Variants in TTC23L observed in about 807,000 individuals in gnomAD.
TTC23L encodes the protein tetratricopeptide repeat protein 23-like.
In TTC23L, 42 loss-of-function variants were observed where a neutral mutation model predicts 48.1. The observed-to-expected ratio is 0.87, with a 90% CI of 0.68 to 1.13. TTC23L has a LOEUF of 1.13. TTC23L is among the 50% of genes most tolerant of loss of function. The pLI is 0.00. For missense variants in TTC23L, 391 were observed against 421.0 expected (o/e 0.93, Z 0.62); for synonymous variants, 159 against 157.2 (o/e 1.01, Z -0.09).
chr5:34,909,536 C>G, the TTC23L span, among the ~76,000 whole-genome samples: 1 of 152,162 alleles, frequency 6.6e-6, no homozygotes, highest in African/African-American at 2.4e-5. Context: ...TTCAGGACAA[C>G]TAATCAATGG....
intron 6 of TTC23L, among the ~76,000 whole-genome samples, chr5:34,864,833 A>G (rs1561136794): frequency 6.6e-6 from 1 of 152,216 alleles, no homozygotes; most frequent in Non-Finnish European, 1.5e-5. Flanking sequence ...TGTCCAAGAT[A>G]ACATAGCTTG....
chr5:34,843,068 A>T (rs1402312681), intron 2 of TTC23L, among the ~76,000 whole-genome samples: 1 of 152,180 alleles, frequency 6.6e-6, no homozygotes, highest in African/African-American at 2.4e-5. Context: ...TCGGCCTTCC[A>T]GAGTGCTGGG....
chr5:34,899,593 TAGAAAC>T (rs1487207088), downstream of TTC23L: 1 of 152,428 alleles, frequency 6.6e-6, no homozygotes, highest in African/African-American at 2.4e-5. Flanking sequence ...CAAGAGCCAT[TAGAAAC>T]TAGGATCCTG....
At position 34,845,357 on chromosome 5, in the gene TTC23L, T is replaced by C. The variant is rs756050022; in HGVS notation, c.69-130T>C. 3.7e-5 allele frequency: 36 copies of C among 977,836 alleles called. No homozygotes were observed. The African/African-American group carries it at 5.9e-4, about 16-fold the overall frequency. 60.6% of individuals were successfully genotyped at this position (977,836 alleles called of 1,614,324 possible). On this transcript the variant is annotated intron_variant, in intron 2 of 10. Coordinates refer to ENST00000505624, the Ensembl canonical transcript of TTC23L. ...GGGCGACGTGAGTTTACTGCCTAGC[T>C]TTATTCCTTCCGGTTTATGTTAGAA...
intron 4 of TTC23L, among the ~76,000 whole-genome samples, chr5:34,859,211 C>T (rs944278822): frequency 5.3e-5 from 8 of 152,168 alleles, no homozygotes; most frequent in African/African-American, 1.9e-4. Context: ...TTTTTATAGT[C>T]CTTAATGACA....
At chr5:34,918,415 A>C in the TTC23L span, 2 of 1,608,604 alleles carry the variant, frequency 1.2e-6, no homozygotes, top group South Asian at 1.1e-5. Flanking sequence ...CAGAGGAATA[A>C]ATTTTAGAAC....
the TTC23L span, chr5:34,907,272 T>C: frequency 6.6e-6 from 1 of 152,238 alleles, no homozygotes; most frequent in Non-Finnish European, 1.5e-5. Context: ...CAATGAATAG[T>C]TTGGCACACT....
the TTC23L span, chr5:34,914,915 G>A: frequency 2.5e-6 from 4 of 1,613,140 alleles, no homozygotes; most frequent in African/African-American, 4.0e-5. Context: ...ATTCGGCCCC[G>A]AGGGATGCTC....
intron 3 of TTC23L, 160 bp downstream of exon 3, chr5:34,845,833 A>G: frequency 1.4e-6 from 1 of 701,766 alleles, no homozygotes; most frequent in Non-Finnish European, 2.3e-6. Flanking sequence ...TTAGGTAGCC[A>G]GCCCACCTTC....
chr5:34,903,065 A>C (rs1763547790), downstream of TTC23L, among the ~76,000 whole-genome samples: 1 of 152,104 alleles, frequency 6.6e-6, no homozygotes, highest in Non-Finnish European at 1.5e-5. Context: ...AAGATCTCCA[A>C]ACTGACAAAC....
At chr5:34,888,811 G>A (rs150611497) in intron 9 of TTC23L, among the ~76,000 whole-genome samples, 192 of 152,220 alleles carry the variant, frequency 1.3e-3, no homozygotes, top group African/African-American at 4.3e-3. Flanking sequence ...GAAAAGCCCC[G>A]CAAGACAAGG....
At chr5:34,871,708 A>G (rs1366887064) in intron 8 of TTC23L, among the ~76,000 whole-genome samples, 1 of 152,220 alleles carries the variant, frequency 6.6e-6, no homozygotes, top group African/African-American at 2.4e-5. Context: ...TACTAATAAC[A>G]TATCTCTCTA....
the TTC23L span, chr5:34,923,242 T>C: frequency 6.4e-7 from 1 of 1,559,860 alleles, no homozygotes; most frequent in South Asian, 1.1e-5. Flanking sequence ...CAGGTAAGCT[T>C]TACTTGATTT....
intron 7 of TTC23L, chr5:34,867,302 C>T (rs1337809742): frequency 3.6e-6 from 2 of 560,366 alleles, no homozygotes; most frequent in African/African-American, 3.8e-5. Context: ...GTGCAGACAG[C>T]ACTTCCCCCT....
At chr5:34,914,039 A>C in the TTC23L span, 3 of 456,338 alleles carry the variant, frequency 6.6e-6, no homozygotes, top group Non-Finnish European at 1.3e-5. Flanking sequence ...GCATGAGGAC[A>C]AGAACCGTGT....
chr5:34,869,427 AAT>A (rs1010921762), intron 8 of TTC23L: 1 of 167,282 alleles, frequency 6.0e-6, no homozygotes, highest in Non-Finnish European at 1.3e-5. Context: ...TTGTTAGCAG[AAT>A]TTTCTTGACC....
chr5:34,919,880 C>G, the TTC23L span: 1 of 1,168,168 alleles, frequency 8.6e-7, no homozygotes, highest in Non-Finnish European at 1.2e-6. Context: ...TTGTGATTAA[C>G]GAGGTAATTT....
At chr5:34,842,746 T>G (rs915237245) in intron 2 of TTC23L, among the ~76,000 whole-genome samples, 13 of 152,220 alleles carry the variant, frequency 8.5e-5, no homozygotes, top group Non-Finnish European at 1.9e-4. Context: ...CTCGTGAGTT[T>G]GCTCACATCC....
chr5:34,914,327 T>TA, the TTC23L span: 5 of 293,742 alleles, frequency 1.7e-5, no homozygotes, highest in Non-Finnish European at 3.3e-5. Context: ...GTGCCTCGTT[T>TA]CCACATATAT....
Sources: gnomAD v4.1 joint callset for allele counts (sites outside exome capture counted in the v4.1 genomes callset) on GRCh38, gnomAD v4.1.1 for gene constraint, MANE v1.5 for transcripts, NCBI Gene and HGNC (gene_info 2026-07-23, HGNC 2026-07-21) for gene names.